The following ZHX3 variants were observed in gnomAD, a reference collection of about 807,000 sequenced individuals.
ZHX3 encodes the protein zinc fingers and homeoboxes protein 3.
A neutral mutation model predicts 64.5 loss-of-function variants in ZHX3; 20 were observed. The observed-to-expected ratio is 0.31, with a 90% CI of 0.22 to 0.45. The LOEUF is 0.45. Ranked by LOEUF, ZHX3 falls within the 20% of genes least tolerant of loss-of-function variation. The probability of loss-of-function intolerance (pLI) is 1.00; values close to 1 mark genes in which losing one functional copy is unlikely to be tolerated. For missense variants in ZHX3, 1,041 were observed against 1,195.8 expected (o/e 0.87, Z 1.91); for synonymous variants, 423 against 461.6 (o/e 0.92, Z 1.07).
At chr20:41,229,960 A>G (rs2040496205) in intron 2 of ZHX3, among the ~76,000 whole-genome samples, 1 of 152,140 alleles carries the variant, frequency 6.6e-6, no homozygotes, top group South Asian at 2.1e-4. Context: ...ATCCAACTCT[A>G]TTATTTTCCA....
intron 3 of ZHX3, among the ~76,000 whole-genome samples, chr20:41,187,157 C>T (rs571351134): frequency 6.6e-6 from 1 of 151,818 alleles, no homozygotes; most frequent in East Asian, 1.9e-4. Flanking sequence ...TGTCTACACA[C>T]ACACCCACAC....
chr20:41,286,305 G>A (rs1302807147), intron 1 of ZHX3, among the ~76,000 whole-genome samples: 1 of 152,064 alleles, frequency 6.6e-6, no homozygotes, highest in Non-Finnish European at 1.5e-5. Context: ...TTCAGTCTTT[G>A]AAAAAAGCCA....
At chr20:41,250,175 C>T (rs551501255) in intron 2 of ZHX3, among the ~76,000 whole-genome samples, 2 of 152,242 alleles carry the variant, frequency 1.3e-5, no homozygotes, top group East Asian at 1.9e-4. Context: ...CAGACAGCAC[C>T]AACAGGGACT....
Position 41,212,577 on chromosome 20 carries a change from C to T in ZHX3, c.-150-7511G>A, listed in dbSNP as rs370359938. Among the ~76,000 whole-genome samples, 53 of 152,264 alleles carry T rather than the reference C, an allele frequency of 3.5e-4. 1 individual carries two copies. The East Asian group carries it at 4.8e-3, about 14-fold the overall frequency. ...CTTTGGGAGGCCAAGGCGGGCGGAT[C>T]ACCAGAGGTCAGGAGTTCAAGATCA... is the stretch of plus-strand genomic sequence containing the variant. On this transcript the variant is annotated intron_variant, in intron 2 of 3. Transcript: ENST00000683867. This position sits in a 1 kb window ranked among gnomAD's most constrained non-coding sequence, Gnocchi z 4.3.
chr20:41,285,891 C>T (rs1430380074), intron 1 of ZHX3, among the ~76,000 whole-genome samples: 8 of 152,136 alleles, frequency 5.3e-5, no homozygotes, highest in African/African-American at 1.9e-4. Flanking sequence ...ATGATACATA[C>T]AAAAGGTTTA....
At chr20:41,260,325 T>G (rs546075968) in intron 2 of ZHX3, among the ~76,000 whole-genome samples, 139 of 152,338 alleles carry the variant, frequency 9.1e-4, no homozygotes, top group African/African-American at 3.3e-3. Context: ...GATGAGATGA[T>G]TGGACAACTA....
chr20:41,261,628 T>C (rs528732154), intron 2 of ZHX3, among the ~76,000 whole-genome samples: 2 of 152,246 alleles, frequency 1.3e-5, no homozygotes, highest in Non-Finnish European at 1.5e-5. Context: ...GAAAAAGCTC[T>C]AGCCACCCCA....
chr20:41,246,441 T>C (rs987229620), intron 2 of ZHX3, among the ~76,000 whole-genome samples: 5 of 152,240 alleles, frequency 3.3e-5, no homozygotes, highest in African/African-American at 1.2e-4. Flanking sequence ...GCCAATTTGG[T>C]TGGGCTTTCC....
intron 1 of ZHX3, among the ~76,000 whole-genome samples, chr20:41,282,990 C>G (rs1449093173): frequency 6.6e-6 from 1 of 152,100 alleles, no homozygotes; most frequent in Non-Finnish European, 1.5e-5. Context: ...CTCACTGCAA[C>G]CTCCGTCTCC....
At chr20:41,301,660 C>A (rs1486828904) in intron 1 of ZHX3, among the ~76,000 whole-genome samples, 1 of 152,206 alleles carries the variant, frequency 6.6e-6, no homozygotes, top group Non-Finnish European at 1.5e-5. Flanking sequence ...CTGCCTCACC[C>A]TTCTCAGAGC....
Position 41,219,932 on chromosome 20 carries a change from C to G in ZHX3, c.-150-14866G>C, listed in dbSNP as rs960338554. On this transcript the variant is annotated intron_variant, in intron 2 of 3. Coordinates refer to ENST00000683867, the MANE Select transcript of ZHX3 (RefSeq NM_001384317.1). This position sits in a 1 kb window ranked among gnomAD's most constrained non-coding sequence, Gnocchi z 5.0. ...ATCAGCCTGAGTCCTAAAAGAAGAA[C>G]AATAGCTGACCTGCCATGTACATGC... 2.6e-5 allele frequency among the ~76,000 whole-genome samples: 4 copies of G among 152,218 alleles called. No individual in the cohort carries two copies. Among genetic ancestry groups the G allele is most frequent in the African/African-American group, 9.6e-5 (4 of 41,460 alleles).
At chr20:41,207,144 A>G (rs550684635) in intron 2 of ZHX3, among the ~76,000 whole-genome samples, 1 of 152,364 alleles carries the variant, frequency 6.6e-6, no homozygotes, top group Admixed American at 6.5e-5. Context: ...AGAGCTCCTG[A>G]AGGAAGCACT....
chr20:41,190,366 T>G (rs2036911360), intron 3 of ZHX3, among the ~76,000 whole-genome samples: 1 of 152,200 alleles, frequency 6.6e-6, no homozygotes, highest in Admixed American at 6.5e-5. Flanking sequence ...AGATAGGGTT[T>G]CACCATGTTG....
intron 1 of ZHX3, among the ~76,000 whole-genome samples, chr20:41,304,280 A>G (rs1458186050): frequency 6.6e-6 from 1 of 152,074 alleles, no homozygotes; most frequent in African/African-American, 2.4e-5. Flanking sequence ...TATAACTTCA[A>G]CTGACAGCTA....
chr20:41,258,788 A>G (rs932696872), intron 2 of ZHX3, among the ~76,000 whole-genome samples: 2 of 152,100 alleles, frequency 1.3e-5, no homozygotes, highest in Non-Finnish European at 1.5e-5. Flanking sequence ...CTTTCTTTAT[A>G]GTTAATTAAC....
intron 2 of ZHX3, among the ~76,000 whole-genome samples, chr20:41,217,766 G>A (rs1307428911): frequency 1.3e-5 from 2 of 152,170 alleles, no homozygotes; most frequent in Non-Finnish European, 2.9e-5. Flanking sequence ...CCTCATTGTA[G>A]TATTGAGGAG....
At chr20:41,280,498 A>G (rs1182776376) in intron 1 of ZHX3, among the ~76,000 whole-genome samples, 2 of 152,238 alleles carry the variant, frequency 1.3e-5, no homozygotes, top group African/African-American at 2.4e-5. Context: ...TCAAAGATCT[A>G]TGGAGATACT....
intron 1 of ZHX3, among the ~76,000 whole-genome samples, chr20:41,276,431 A>G (rs914238562): frequency 2.0e-5 from 3 of 152,162 alleles, no homozygotes; most frequent in African/African-American, 7.2e-5. Context: ...CACTCTCAGT[A>G]TAGTCAAGGC....
intron 1 of ZHX3, among the ~76,000 whole-genome samples, chr20:41,270,403 C>T (rs1417249600): frequency 5.9e-4 from 86 of 145,330 alleles, no homozygotes; most frequent in Non-Finnish European, 9.5e-4. Context: ...AGGCCGGGCA[C>T]GGTGGCTCAC....
Sources: gnomAD v4.1 joint callset for allele counts (sites outside exome capture counted in the v4.1 genomes callset) on GRCh38, gnomAD v4.1.1 for gene constraint, Gnocchi (gnomAD v3.1) non-coding constraint, MANE v1.5 for transcripts, NCBI Gene and HGNC (gene_info 2026-07-23, HGNC 2026-07-21) for gene names.